NCKAP5: variants seen among roughly 807,000 people sequenced by gnomAD.
NCKAP5 encodes nck-associated protein 5.
Under a neutral mutation model 167.0 loss-of-function variants are expected in NCKAP5, and 92 were observed. The ratio of observed to expected loss-of-function variants is 0.55; its 90% confidence interval spans 0.47 to 0.66. The LOEUF (loss-of-function observed/expected upper bound fraction) is 0.66. Among genes scored for constraint, NCKAP5 ranks in the 30% least tolerant of loss-of-function variants. NCKAP5 has a pLI of 0.00. For missense variants in NCKAP5, 2,378 were observed against 2,315.0 expected, an observed-to-expected ratio of 1.03 and a Z score of -0.56; for synonymous variants, 891 against 877.4, an observed-to-expected ratio of 1.02 and a Z score of -0.27.
chr2:132,807,878 T>C (rs1015444807), intron 11 of NCKAP5, among the ~76,000 whole-genome samples: 2 of 152,166 alleles, frequency 1.3e-5, no homozygotes, highest in Non-Finnish European at 2.9e-5. Flanking sequence ...TTTAGTATTA[T>C]GTTGGCTGTG....
intron 4 of NCKAP5, among the ~76,000 whole-genome samples, chr2:133,261,362 G>A (rs1258255342): frequency 2.0e-5 from 3 of 152,124 alleles, no homozygotes; most frequent in African/African-American, 7.2e-5. Flanking sequence ...TAATAACACC[G>A]CTATAACACT....
chr2:132,951,007 G>C (rs1429930924), intron 8 of NCKAP5, among the ~76,000 whole-genome samples: 3 of 152,174 alleles, frequency 2.0e-5, no homozygotes, highest in Non-Finnish European at 4.4e-5. Flanking sequence ...AAAGGTAAGG[G>C]AAAAGACTCT....
chr2:133,299,920 A>G (rs931796587), intron 4 of NCKAP5, among the ~76,000 whole-genome samples: 1 of 151,968 alleles, frequency 6.6e-6, no homozygotes, highest in Non-Finnish European at 1.5e-5. Flanking sequence ...AATCAAATAG[A>G]CACAATAAAA....
intron 16 of NCKAP5, among the ~76,000 whole-genome samples, chr2:132,758,597 C>A (rs1413941622): frequency 6.6e-6 from 1 of 152,118 alleles, no homozygotes; most frequent in Admixed American, 6.5e-5. Flanking sequence ...TCCTCTGACA[C>A]CTGATATGCT....
At chr2:132,914,123 C>T (rs779372928) in intron 8 of NCKAP5, among the ~76,000 whole-genome samples, 11 of 152,112 alleles carry the variant, frequency 7.2e-5, no homozygotes, top group Non-Finnish European at 1.6e-4. Context: ...TACTGAATAA[C>T]AGCAGTAAGC....
At chr2:132,999,064 A>G (rs1183184214) in intron 6 of NCKAP5, among the ~76,000 whole-genome samples, 1 of 152,208 alleles carries the variant, frequency 6.6e-6, no homozygotes, top group Non-Finnish European at 1.5e-5. Flanking sequence ...ACGTACATCA[A>G]GTGAACTATT....
chr2:132,867,232 T>G (rs1348456590), intron 10 of NCKAP5, among the ~76,000 whole-genome samples: 5 of 152,162 alleles, frequency 3.3e-5, no homozygotes, highest in Non-Finnish European at 7.4e-5. Context: ...ATGGGAAGTC[T>G]TTCAACAGTT....
At chr2:132,902,883 T>C (rs964642870) in intron 8 of NCKAP5, among the ~76,000 whole-genome samples, 3 of 152,210 alleles carry the variant, frequency 2.0e-5, no homozygotes, top group Admixed American at 2.0e-4. Flanking sequence ...CCGCCAGATG[T>C]GACTGCCACA....
intron 4 of NCKAP5, among the ~76,000 whole-genome samples, chr2:133,267,982 A>T (rs1376714688): frequency 6.6e-6 from 1 of 152,252 alleles, no homozygotes; most frequent in Non-Finnish European, 1.5e-5. Context: ...AGTTTTATAC[A>T]TTCTTCTCAA....
the NCKAP5 span, among the ~76,000 whole-genome samples, chr2:133,603,565 G>A: frequency 6.7e-6 from 1 of 148,940 alleles, no homozygotes; most frequent in Admixed American, 6.7e-5. Context: ...TTTTGAGACG[G>A]AGTCTTGCTC....
At chr2:133,302,709 C>G (rs1411432689) in intron 4 of NCKAP5, among the ~76,000 whole-genome samples, 1 of 143,952 alleles carries the variant, frequency 6.9e-6, no homozygotes, top group Non-Finnish European at 1.5e-5. Context: ...TGCAGCGCAC[C>G]AGCATGGCAC....
intron 5 of NCKAP5, among the ~76,000 whole-genome samples, chr2:133,207,906 C>A (rs2086027232): frequency 6.6e-6 from 1 of 152,166 alleles, no homozygotes. Context: ...TTTCCCATGT[C>A]CATAAGTATG....
chr2:133,200,069 T>TTTTTTC (rs1173956849), intron 5 of NCKAP5, among the ~76,000 whole-genome samples: 1 of 147,064 alleles, frequency 6.8e-6, no homozygotes, highest in Non-Finnish European at 1.5e-5. Context: ...TTCTTTTTTT[T>TTTTTTC]TTTTTTTTTT....
intron 5 of NCKAP5, among the ~76,000 whole-genome samples, chr2:133,161,209 C>A (rs183923314): frequency 6.6e-6 from 1 of 152,260 alleles, no homozygotes; most frequent in Non-Finnish European, 1.5e-5. Context: ...AACTTCCACC[C>A]CCAGCCCATG....
At chr2:133,646,012 A>C in the NCKAP5 span, among the ~76,000 whole-genome samples, 1 of 151,856 alleles carries the variant, frequency 6.6e-6, no homozygotes, top group South Asian at 2.1e-4. Flanking sequence ...GGGAAAAAGA[A>C]ATTATATCTA....
At chr2:133,379,564 C>T (rs977307797) in intron 3 of NCKAP5, among the ~76,000 whole-genome samples, 1 of 152,202 alleles carries the variant, frequency 6.6e-6, no homozygotes. Context: ...ACACTCCATG[C>T]CTGTATCTTT....
chr2:132,724,104 C>T (rs1282581665), intron 19 of NCKAP5, among the ~76,000 whole-genome samples: 1 of 152,094 alleles, frequency 6.6e-6, no homozygotes, highest in Admixed American at 6.6e-5. Context: ...CTGGGAGTGC[C>T]CTTCCTGGCT....
the NCKAP5 span, among the ~76,000 whole-genome samples, chr2:133,637,129 G>A: frequency 6.6e-6 from 1 of 151,638 alleles, no homozygotes; most frequent in Non-Finnish European, 1.5e-5. Context: ...ATTTAACTCT[G>A]TATTTTTATT....
chr2:133,409,283 A>G (rs150461558), intron 3 of NCKAP5, among the ~76,000 whole-genome samples: 3 of 152,224 alleles, frequency 2.0e-5, no homozygotes, highest in Non-Finnish European at 2.9e-5. Flanking sequence ...CCAGCTCAGG[A>G]AAGTCCCAGC....
Sources: gnomAD v4.1 joint callset for allele counts (sites outside exome capture counted in the v4.1 genomes callset) on GRCh38, gnomAD v4.1.1 for gene constraint, MANE v1.5 for transcripts, NCBI Gene and HGNC (gene_info 2026-07-23, HGNC 2026-07-21) for gene names.